The following GRID2 variants were observed in gnomAD, a reference collection of about 807,000 sequenced individuals.
GRID2 encodes the protein glutamate ionotropic receptor delta type subunit 2, also known as glutamate receptor ionotropic, delta-2.
In GRID2, 33 loss-of-function variants were observed where a neutral mutation model predicts 114.8. The observed-to-expected ratio is 0.29, with a 90% CI of 0.22 to 0.38. The LOEUF (loss-of-function observed/expected upper bound fraction) is 0.38. GRID2 is among the 10% of genes least tolerant of loss of function. The probability of loss-of-function intolerance (pLI) is 1.00; values close to 1 mark genes in which losing one functional copy is unlikely to be tolerated. For missense variants in GRID2, 1,184 were observed against 1,257.7 expected, an observed-to-expected ratio of 0.94 and a Z score of 0.89; for synonymous variants, 505 against 449.9, an observed-to-expected ratio of 1.12 and a Z score of -1.55.
At chr4:92,918,805 A>T (rs1749043184) in intron 2 of GRID2, among the ~76,000 whole-genome samples, 5 of 152,126 alleles carry the variant, frequency 3.3e-5, no homozygotes. Flanking sequence ...TATTGGTCTA[A>T]AATTCTCTTT....
chr4:93,079,205 G>C (rs1729631856), intron 2 of GRID2, among the ~76,000 whole-genome samples: 1 of 151,498 alleles, frequency 6.6e-6, no homozygotes, highest in South Asian at 2.1e-4. Flanking sequence ...AATCACTTTA[G>C]GTCTGATTAA....
chr4:92,574,413 A>ATTT (rs58296126), intron 1 of GRID2, among the ~76,000 whole-genome samples: 3 of 112,406 alleles, frequency 2.7e-5, no homozygotes, highest in Admixed American at 1.8e-4. Context: ...GTACTTTAGT[A>ATTT]TTTTTTTTTT....
intron 4 of GRID2, among the ~76,000 whole-genome samples, chr4:93,185,704 TA>T (rs1560963050): frequency 2.0e-5 from 3 of 152,214 alleles, no homozygotes; most frequent in Admixed American, 6.5e-5. Context: ...ACAGGTTTTT[TA>T]AAAATAGTAT....
chr4:92,827,876 A>G (rs1277011683), intron 2 of GRID2, among the ~76,000 whole-genome samples: 1 of 152,100 alleles, frequency 6.6e-6, no homozygotes, highest in Non-Finnish European at 1.5e-5. Context: ...AACTTGCAGG[A>G]ATATGCTGTC....
intron 2 of GRID2, among the ~76,000 whole-genome samples, chr4:92,989,859 G>A (rs1213869953): frequency 4.0e-5 from 6 of 151,852 alleles, no homozygotes; most frequent in Non-Finnish European, 8.8e-5. Flanking sequence ...AAAAACATCC[G>A]TTTATATGAA....
chr4:93,651,160 C>A (rs1290894558), intron 14 of GRID2, among the ~76,000 whole-genome samples: 1 of 152,146 alleles, frequency 6.6e-6, no homozygotes, highest in East Asian at 1.9e-4. Context: ...ATATTCCCTT[C>A]AGAGTTTCTC....
chr4:92,914,778 C>G (rs1748654883), intron 2 of GRID2, among the ~76,000 whole-genome samples: 2 of 152,018 alleles, frequency 1.3e-5, no homozygotes. Context: ...GCATAGTATT[C>G]TATGGTATAT....
At chr4:93,692,105 C>T (rs186191229) in intron 14 of GRID2, among the ~76,000 whole-genome samples, 89 of 151,732 alleles carry the variant, frequency 5.9e-4, no homozygotes, top group Middle Eastern at 3.4e-3. Flanking sequence ...AAATGCGGGG[C>T]GGGGAAGCAG....
chr4:92,523,682 G>A (rs145608500), intron 1 of GRID2, among the ~76,000 whole-genome samples: 22 of 152,136 alleles, frequency 1.4e-4, no homozygotes, highest in African/African-American at 4.8e-4. Context: ...TGCTAGAAAT[G>A]AGATCTTGGT....
intron 13 of GRID2, among the ~76,000 whole-genome samples, chr4:93,574,945 A>T (rs1384756731): frequency 2.0e-5 from 3 of 152,088 alleles, no homozygotes; most frequent in Non-Finnish European, 4.4e-5. Flanking sequence ...TGGCTTCTTC[A>T]CTCACTCGTC....
At chr4:92,441,164 AG>A (rs201177126) in intron 1 of GRID2, among the ~76,000 whole-genome samples, 6,537 of 152,212 alleles carry the variant, frequency 0.043, 132 homozygotes, top group South Asian at 0.08. Context: ...AACCATGCCT[AG>A]GAAGGAAAGG....
At chr4:92,725,202 G>A (rs1052749416) in intron 2 of GRID2, among the ~76,000 whole-genome samples, 5 of 152,260 alleles carry the variant, frequency 3.3e-5, no homozygotes, top group African/African-American at 1.2e-4. Flanking sequence ...TTGGGAGGCT[G>A]AGACACAAGA....
intron 1 of GRID2, among the ~76,000 whole-genome samples, chr4:92,546,491 T>G (rs1171498906): frequency 6.6e-6 from 1 of 152,204 alleles, no homozygotes. Context: ...CGTGACCTTA[T>G]GTTGTTCGGT....
At chr4:93,414,234 A>G (rs1767485385) in intron 9 of GRID2, among the ~76,000 whole-genome samples, 1 of 152,162 alleles carries the variant, frequency 6.6e-6, no homozygotes, top group African/African-American at 2.4e-5. Flanking sequence ...AAGGCTCCTA[A>G]TTGATCTCCC....
At chr4:93,324,380 G>A (rs1258052732) in intron 8 of GRID2, among the ~76,000 whole-genome samples, 2 of 152,122 alleles carry the variant, frequency 1.3e-5, no homozygotes, top group Non-Finnish European at 2.9e-5. Context: ...AACTAGCCTT[G>A]CATCGCAGGG....
chr4:92,939,837 T>G (rs1750965351), intron 2 of GRID2, among the ~76,000 whole-genome samples: 2 of 147,162 alleles, frequency 1.4e-5, no homozygotes, highest in South Asian at 4.6e-4. Flanking sequence ...TTTCCTCATT[T>G]CTTGTTTTTG....
chr4:92,828,398 A>G (rs1286573194), intron 2 of GRID2, among the ~76,000 whole-genome samples: 1 of 152,110 alleles, frequency 6.6e-6, no homozygotes, highest in Admixed American at 6.6e-5. Context: ...GGGACTTAAG[A>G]TGAAACTGCT....
chr4:93,672,608 C>A (rs899356930), intron 14 of GRID2, among the ~76,000 whole-genome samples: 2 of 152,112 alleles, frequency 1.3e-5, no homozygotes, highest in African/African-American at 4.8e-5. Context: ...TAATTTATTC[C>A]CACAATTTTT....
chr4:92,778,009 G>T (rs1460491037), intron 2 of GRID2, among the ~76,000 whole-genome samples: 2 of 152,072 alleles, frequency 1.3e-5, no homozygotes, highest in East Asian at 3.9e-4. Context: ...CTTAATGGAA[G>T]AGATAACTAG....
Sources: allele counts gnomAD v4.1 joint callset (sites outside exome capture counted in the v4.1 genomes callset), GRCh38; gene constraint gnomAD v4.1.1; transcripts MANE v1.5; gene names NCBI Gene and HGNC (gene_info 2026-07-23, HGNC 2026-07-21).